ZNF385D: variants seen among roughly 807,000 people sequenced by gnomAD.
ZNF385D encodes the protein zinc finger protein 659.
A neutral mutation model predicts 35.8 loss-of-function variants in ZNF385D; 15 were observed. The observed-to-expected ratio is 0.42, with a 90% CI of 0.28 to 0.64. The LOEUF (loss-of-function observed/expected upper bound fraction) is 0.64. Among genes scored for constraint, ZNF385D ranks in the 30% least tolerant of loss-of-function variants. The pLI is 0.23. For missense variants in ZNF385D, 474 were observed against 494.6 expected (o/e 0.96, Z 0.39); for synonymous variants, 212 against 186.8 (o/e 1.13, Z -1.10).
chr3:21,531,386 G>A (rs1236963967), intron 3 of ZNF385D, among the ~76,000 whole-genome samples: 1 of 152,114 alleles, frequency 6.6e-6, no homozygotes, highest in African/African-American at 2.4e-5. Context: ...ACCGTATAAG[G>A]CAGCAATCAT....
chr3:21,468,435 A>G (rs1243913387), intron 4 of ZNF385D, among the ~76,000 whole-genome samples: 1 of 151,006 alleles, frequency 6.6e-6, no homozygotes, highest in African/African-American at 2.4e-5. Flanking sequence ...GTATATGCAG[A>G]CATTCAGAGT....
chr3:22,347,004 C>G (rs1229656757), intron 2 of ZNF385D, among the ~76,000 whole-genome samples: 1 of 152,156 alleles, frequency 6.6e-6, no homozygotes, highest in Non-Finnish European at 1.5e-5. Flanking sequence ...GACTTTCAAT[C>G]TCCTATAACT....
At chr3:22,081,841 G>A (rs898522186) in intron 3 of ZNF385D, among the ~76,000 whole-genome samples, 1 of 152,100 alleles carries the variant, frequency 6.6e-6, no homozygotes, top group Non-Finnish European at 1.5e-5. Context: ...ATACAATTGT[G>A]TATGAATTCA....
chr3:22,348,728 G>T (rs1242229765), intron 2 of ZNF385D, among the ~76,000 whole-genome samples: 1 of 151,980 alleles, frequency 6.6e-6, no homozygotes, highest in Non-Finnish European at 1.5e-5. Context: ...TAGGGTACAG[G>T]CACTTATAGG....
At chr3:21,615,650 G>C (rs911192874) in intron 2 of ZNF385D, among the ~76,000 whole-genome samples, 1 of 151,670 alleles carries the variant, frequency 6.6e-6, no homozygotes, top group African/African-American at 2.4e-5. Context: ...GAGTTTTATT[G>C]TTTTTTTCAG....
At chr3:22,119,602 GT>G (rs1266122399) in intron 3 of ZNF385D, among the ~76,000 whole-genome samples, 1 of 152,048 alleles carries the variant, frequency 6.6e-6, no homozygotes, top group Non-Finnish European at 1.5e-5. Context: ...CCCAAAATAG[GT>G]TTTGATCATT....
chr3:21,820,029 A>G (rs1289862647), intron 3 of ZNF385D, among the ~76,000 whole-genome samples: 1 of 151,248 alleles, frequency 6.6e-6, no homozygotes, highest in African/African-American at 2.4e-5. Context: ...TTAGTAATAG[A>G]TTAAGCATAT....
chr3:21,588,663 GTATAA>G (rs1212430966), intron 2 of ZNF385D, among the ~76,000 whole-genome samples: 2 of 152,044 alleles, frequency 1.3e-5, no homozygotes, highest in African/African-American at 4.8e-5. Flanking sequence ...TGTGAATAAA[GTATAA>G]TATGATTTTT....
chr3:22,030,121 T>G (rs1341628774), intron 3 of ZNF385D, among the ~76,000 whole-genome samples: 2 of 151,228 alleles, frequency 1.3e-5, no homozygotes, highest in African/African-American at 2.4e-5. Flanking sequence ...CCATGCTCAA[T>G]GCTTCCTGCT....
intron 2 of ZNF385D, among the ~76,000 whole-genome samples, chr3:22,344,177 G>GGT (rs571896117): frequency 0.059 from 8,372 of 140,758 alleles, 505 homozygotes; most frequent in African/African-American, 0.15. Context: ...GGTGGGGTGG[G>GGT]GTGTGTGTGT....
intron 3 of ZNF385D, among the ~76,000 whole-genome samples, chr3:21,924,128 T>C (rs1559758789): frequency 6.6e-6 from 1 of 152,158 alleles, no homozygotes; most frequent in Non-Finnish European, 1.5e-5. Flanking sequence ...AATTTATGCA[T>C]TAAAAAAGTA....
intron 4 of ZNF385D, among the ~76,000 whole-genome samples, chr3:21,445,407 A>G (rs1427618949): frequency 4.6e-5 from 7 of 152,224 alleles, no homozygotes; most frequent in Admixed American, 4.6e-4. Flanking sequence ...AAAGAGAGAT[A>G]AGCTGATTAG....
At chr3:22,008,419 C>A (rs1696357417) in intron 3 of ZNF385D, among the ~76,000 whole-genome samples, 2 of 142,490 alleles carry the variant, frequency 1.4e-5, no homozygotes. Flanking sequence ...GTGGCCCGAT[C>A]TCGGCTCACT....
In ZNF385D at chr3:21,437,093, C is replaced by G; in HGVS notation, c.550G>C (p.Ala184Pro). 6.2e-7 allele frequency: 1 copy of G among 1,614,006 alleles called. No individual in the cohort carries two copies. Among genetic ancestry groups the G allele is most frequent in the Non-Finnish European group, 8.5e-7 (1 of 1,179,908 alleles). ...GAAGGACATGAGCTATTGCCAGTGG[C>G]TGTCGTTGGGCTTTTTTCCACTTTA... ...TSKVEKSPTT[A>P]TGNSSCPSTE... Residue 184 changes from alanine to proline, a missense_variant, in exon 5 of 8, where the codon GCC becomes CCC. Coordinates refer to ENST00000281523, the MANE Select transcript of ZNF385D (RefSeq NM_024697.3).
intron 2 of ZNF385D, among the ~76,000 whole-genome samples, chr3:21,596,161 T>C (rs1397443484): frequency 2.0e-5 from 3 of 152,178 alleles, no homozygotes; most frequent in Non-Finnish European, 2.9e-5. Context: ...AAGAAAGTTA[T>C]CCAAAGTTTG....
chr3:21,441,377 G>A (rs559315167), intron 4 of ZNF385D, among the ~76,000 whole-genome samples: 1 of 152,144 alleles, frequency 6.6e-6, no homozygotes, highest in Non-Finnish European at 1.5e-5. Flanking sequence ...AGAAATTTGG[G>A]AACTTGCCCA....
intron 1 of ZNF385D, among the ~76,000 whole-genome samples, chr3:21,681,806 T>A (rs555545792): frequency 8.4e-6 from 1 of 119,434 alleles, no homozygotes; most frequent in African/African-American, 3.1e-5. Context: ...TCAAACTTAA[T>A]GTGATGAAAT....
At chr3:22,040,199 T>G (rs1024374790) in intron 3 of ZNF385D, among the ~76,000 whole-genome samples, 1 of 152,170 alleles carries the variant, frequency 6.6e-6, no homozygotes, top group Non-Finnish European at 1.5e-5. Context: ...CCCACATCTT[T>G]GTAAATGCTT....
At chr3:21,489,422 G>A (rs1488677606) in intron 4 of ZNF385D, among the ~76,000 whole-genome samples, 2 of 152,094 alleles carry the variant, frequency 1.3e-5, no homozygotes, top group Non-Finnish European at 2.9e-5. Context: ...GATGTCTCAG[G>A]GCTCTCGTAT....
Sources: allele counts gnomAD v4.1 joint callset (sites outside exome capture counted in the v4.1 genomes callset), GRCh38; gene constraint gnomAD v4.1.1; transcripts MANE v1.5; gene names NCBI Gene and HGNC (gene_info 2026-07-23, HGNC 2026-07-21).